The following GRHL3 variants were observed in gnomAD, a reference collection of about 807,000 sequenced individuals.
The protein encoded by GRHL3 is grainyhead-like protein 3 homolog.
In GRHL3, 20 loss-of-function variants were observed where a neutral mutation model predicts 70.3. That is an observed-to-expected ratio of 0.28 (90% CI 0.20 to 0.41). The LOEUF (loss-of-function observed/expected upper bound fraction) is 0.41. Ranked by LOEUF, GRHL3 falls within the 10% of genes least tolerant of loss-of-function variation. The probability of loss-of-function intolerance (pLI) is 1.00; values close to 1 mark genes in which losing one functional copy is unlikely to be tolerated. For synonymous variants in GRHL3, 299 were observed against 299.9 expected, an observed-to-expected ratio of 1.00 and a Z score of 0.03; for missense variants, 637 against 762.3, an observed-to-expected ratio of 0.84 and a Z score of 1.94.
Position 24,334,651 on chromosome 1 carries a change from AAGG to A in GRHL3, c.214_216del (p.Glu72del). ...TTCCTTTCTCTCTTCTCAGGGTCCC[AAGG>A]AGAAGCGGATATTGTCCTCCAGCAC... On this transcript the variant is annotated inframe_deletion, in exon 3 of 16. Coordinates refer to ENST00000361548, the MANE Select transcript of GRHL3 (RefSeq NM_198173.3). This position sits in a 1 kb window ranked among gnomAD's most constrained non-coding sequence, Gnocchi z 4.3. 6.2e-7 allele frequency: 1 copy of A among 1,611,268 alleles called. No homozygotes were observed. Among genetic ancestry groups the A allele is most frequent in the Non-Finnish European group, 8.5e-7 (1 of 1,178,912 alleles).
At chr1:24,348,888 A>G (rs1304742731) in intron 14 of GRHL3, among the ~76,000 whole-genome samples, 3 of 152,108 alleles carry the variant, frequency 2.0e-5, no homozygotes, top group African/African-American at 7.2e-5. Flanking sequence ...AGAGAGGATG[A>G]CCTCCACCTG....
chr1:24,329,181 C>T (rs1186555039), intron 1 of GRHL3, among the ~76,000 whole-genome samples: 2 of 152,218 alleles, frequency 1.3e-5, no homozygotes, highest in African/African-American at 4.8e-5. Context: ...ACAGCTCCAC[C>T]TCCCTTCCTC....
At chr1:24,327,012 G>A (rs1319384991) in intron 1 of GRHL3, among the ~76,000 whole-genome samples, 1 of 152,198 alleles carries the variant, frequency 6.6e-6, no homozygotes, top group African/African-American at 2.4e-5. Flanking sequence ...GCTTGTGGGA[G>A]GATGAAAATT....
intron 8 of GRHL3, 117 bp downstream of exon 8, chr1:24,339,879 G>T: frequency 1.6e-6 from 1 of 614,584 alleles, no homozygotes; most frequent in Non-Finnish European, 2.9e-6. Context: ...GGCACTCATG[G>T]AGGAGGCAGG....
intron 7 of GRHL3, among the ~76,000 whole-genome samples, chr1:24,339,428 T>C (rs1338895603): frequency 1.3e-5 from 2 of 152,146 alleles, no homozygotes; most frequent in Admixed American, 1.3e-4. Flanking sequence ...TACAGGCGCC[T>C]GCCACCATGC....
intron 1 of GRHL3, chr1:24,323,172 G>T: frequency 9.1e-7 from 1 of 1,099,356 alleles, no homozygotes; most frequent in South Asian, 1.3e-5. Flanking sequence ...GTTACCTTTG[G>T]AGTCGTTAAG....
chr1:24,335,217 A>G (rs1639752656), intron 3 of GRHL3, among the ~76,000 whole-genome samples: 1 of 152,016 alleles, frequency 6.6e-6, no homozygotes, highest in Non-Finnish European at 1.5e-5. Flanking sequence ...GGAGAGGGAG[A>G]CCTGTGTTGG....
chr1:24,322,973 C>T lies in GRHL3; in HGVS notation c.17+3405C>T. 7 of 933,900 alleles carry T rather than the reference C, an allele frequency of 7.5e-6. No individual in the cohort carries two copies. The highest frequency in any genetic ancestry group is 6.0e-5 in the South Asian group (4 of 66,178). The allele number at this position is 933,900 out of a possible 1,614,324, so 57.9% of individuals were successfully genotyped here. A position where few individuals can be genotyped will look rare whatever the true frequency, so the allele number is the denominator to read the frequency against. On this transcript the variant is annotated intron_variant, in intron 1 of 15. Coordinates refer to ENST00000361548, the MANE Select transcript of GRHL3 (RefSeq NM_198173.3). This position sits in a 1 kb window ranked among gnomAD's most constrained non-coding sequence, Gnocchi z 4.4. ...CTCACGGAAGCACTGGGATCTTAAC[C>T]GGGTCTTAGCCGAGCAGCCATAGGC...
rs149165410 is a variant in GRHL3, at chr1:24,338,030, A to G, written c.879A>G (p.Pro293=). 3.1e-6 allele frequency: 5 copies of G among 1,613,012 alleles called. No homozygotes were observed. The African/African-American group carries it at 6.7e-5, about 22-fold the overall frequency. ...TTGTCTTCGACAATGAGAAGGTCCC[A>G]GTAGAGCAGCTGCGCTTCTGGAAGC... ...VMVVFDNEKV[P]VEQLRFWKHW... Residue 293 remains proline (P), a synonymous_variant, in exon 7 of 16, where the codon CCA becomes CCG. Coordinates refer to ENST00000361548, the MANE Select transcript of GRHL3 (RefSeq NM_198173.3).
At chr1:24,327,205 C>T (rs2148648570) in intron 1 of GRHL3, among the ~76,000 whole-genome samples, 1 of 152,320 alleles carries the variant, frequency 6.6e-6, no homozygotes, top group East Asian at 1.9e-4. Flanking sequence ...GTAAAGTAGC[C>T]ACCCCTATTG....
At chr1:24,327,468 C>T (rs1639438403) in intron 1 of GRHL3, among the ~76,000 whole-genome samples, 2 of 152,190 alleles carry the variant, frequency 1.3e-5, no homozygotes, top group African/African-American at 4.8e-5. Flanking sequence ...GTGCCTTACC[C>T]AAGGACATGT....
chr1:24,364,096 T>C (rs1569975698), intron 15 of GRHL3: 1 of 1,441,958 alleles, frequency 6.9e-7, no homozygotes, highest in South Asian at 1.5e-5. Flanking sequence ...AGCAACTCCA[T>C]GCCTTTGTCC....
intron 14 of GRHL3, among the ~76,000 whole-genome samples, chr1:24,347,900 C>G (rs1569916054): frequency 6.6e-6 from 1 of 152,206 alleles, no homozygotes; most frequent in East Asian, 1.9e-4. Context: ...CAGAGACGCT[C>G]TCTTTTTCTT....
chr1:24,333,895 A>C (rs1359335566), intron 2 of GRHL3, among the ~76,000 whole-genome samples: 1 of 152,196 alleles, frequency 6.6e-6, no homozygotes, highest in Non-Finnish European at 1.5e-5. Flanking sequence ...TAAAAAAGGG[A>C]GTATTTTTTA....
intron 1 of GRHL3, among the ~76,000 whole-genome samples, chr1:24,320,974 G>T (rs932092910): frequency 6.6e-6 from 1 of 152,178 alleles, no homozygotes; most frequent in African/African-American, 2.4e-5. Flanking sequence ...TGCTTTTAAG[G>T]CTGGTGGAGA....
intron 2 of GRHL3, among the ~76,000 whole-genome samples, chr1:24,333,482 C>T (rs1639683350): frequency 1.3e-5 from 2 of 152,126 alleles, no homozygotes; most frequent in South Asian, 2.1e-4. Context: ...GAGACAAATG[C>T]ATTAGAATGT....
intron 7 of GRHL3, among the ~76,000 whole-genome samples, chr1:24,338,613 T>C (rs768840228): frequency 6.6e-6 from 1 of 152,362 alleles, no homozygotes; most frequent in Non-Finnish European, 1.5e-5. Context: ...CTCACCTTCC[T>C]GAGCCTCAGT....
intron 8 of GRHL3, among the ~76,000 whole-genome samples, chr1:24,341,365 G>A (rs1640031013): frequency 6.6e-6 from 1 of 152,206 alleles, no homozygotes; most frequent in South Asian, 2.1e-4. Flanking sequence ...GCTCAGTGAG[G>A]TGAAAGGATT....
At chr1:24,323,706 C>T (rs1445350834) in intron 1 of GRHL3, among the ~76,000 whole-genome samples, 2 of 152,190 alleles carry the variant, frequency 1.3e-5, no homozygotes, top group Non-Finnish European at 2.9e-5. Flanking sequence ...CCCTCTCTTG[C>T]CTTCCCTCCC....
Sources: gnomAD v4.1 joint callset for allele counts (sites outside exome capture counted in the v4.1 genomes callset) on GRCh38, gnomAD v4.1.1 for gene constraint, Gnocchi (gnomAD v3.1) non-coding constraint, MANE v1.5 for transcripts, NCBI Gene and HGNC (gene_info 2026-07-23, HGNC 2026-07-21) for gene names.